NAP1L4: variants seen among roughly 807,000 people sequenced by gnomAD.
The protein encoded by NAP1L4 is nucleosome assembly protein 1 like 4.
A neutral mutation model predicts 58.2 loss-of-function variants in NAP1L4; 15 were observed. That is an observed-to-expected ratio of 0.26 (90% confidence interval 0.17 to 0.40). The LOEUF (loss-of-function observed/expected upper bound fraction) is 0.40. NAP1L4 is among the 10% of genes least tolerant of loss of function. NAP1L4 has a pLI of 1.00. For missense variants in NAP1L4, 384 were observed against 451.1 expected (o/e 0.85, Z 1.35); for synonymous variants, 171 against 155.6 (o/e 1.10, Z -0.74).
chr11:2,945,738 G>GAATGAACTCA, intron 15 of NAP1L4, 92 bp from the exon 16 acceptor site: 1 of 1,031,868 alleles, frequency 9.7e-7, no homozygotes, highest in Non-Finnish European at 1.4e-6. Context: ...GACTGAATGA[G>GAATGAACTCA]TTCATTCTCA....
Position 2,955,855 on chromosome 11 carries a change from A to G in NAP1L4, c.893-89T>C. The G allele has an allele frequency of 8.2e-7, 1 of 1,213,206 alleles. No homozygotes were observed. The highest frequency in any genetic ancestry group is 1.2e-6 in the Non-Finnish European group (1 of 840,404). 75.2% of individuals were successfully genotyped at this position (1,213,206 alleles called of 1,614,324 possible). A position where few individuals can be genotyped will look rare whatever the true frequency, so the allele number is the denominator to read the frequency against. Reference sequence around the variant, plus strand: ...ACACAGGAGGAAGCTGTGCTGGTAGATAAAATGTAACATTTCTCACCTCGA... The same window carrying G: ...ACACAGGAGGAAGCTGTGCTGGTAGGTAAAATGTAACATTTCTCACCTCGA... On this transcript the variant is annotated intron_variant, in intron 10 of 15. Transcript: ENST00000380542. The surrounding 1 kb of genome is among the most constrained non-coding windows in gnomAD (Gnocchi z 4.2).
Position 2,948,933 on chromosome 11 carries a change from C to A in NAP1L4, c.*32+294G>T, listed in dbSNP as rs1458674766. Among the ~76,000 whole-genome samples the A allele has an allele frequency of 6.6e-6, 1 of 152,212 alleles. No homozygotes were observed. The highest frequency in any genetic ancestry group is 1.5e-5 in the Non-Finnish European group (1 of 68,042). Reference sequence around the variant, plus strand: ...CCCGTGTGTGCCACCGTGCAGACTGCTGACCATCCAGGGCCCTCTTACTGG... The same window carrying A: ...CCCGTGTGTGCCACCGTGCAGACTGATGACCATCCAGGGCCCTCTTACTGG... On this transcript the variant is annotated intron_variant, in intron 15 of 15. Coordinates refer to ENST00000380542, the MANE Select transcript of NAP1L4 (RefSeq NM_005969.4). This position sits in a 1 kb window ranked among gnomAD's most constrained non-coding sequence, Gnocchi z 5.1.
intron 6 of NAP1L4, among the ~76,000 whole-genome samples, chr11:2,970,424 TA>T (rs879504449): frequency 0.024 from 3,372 of 142,718 alleles, 99 homozygotes; most frequent in African/African-American, 0.073. Flanking sequence ...TAAGTTGAAA[TA>T]AAAAAAAAAA....
chr11:2,977,682 G>C (rs79720338), intron 3 of NAP1L4, among the ~76,000 whole-genome samples: 2 of 152,064 alleles, frequency 1.3e-5, no homozygotes, highest in South Asian at 4.1e-4. Context: ...TCTTGGTAAT[G>C]ACATTGTAGA....
rs1230726501 is a variant in NAP1L4, at chr11:2,954,179, T to A, written c.1035+348A>T. The stretch of plus-strand genomic sequence containing the variant: ...GCATAAGTCCACTGTCAATAAATGT[T>A]TGTTGTGGCCAGACCTCCATAAAAG... On this transcript the variant is annotated intron_variant, in intron 12 of 15. Coordinates refer to ENST00000380542, the MANE Select transcript of NAP1L4 (RefSeq NM_005969.4). This position sits in a 1 kb window ranked among gnomAD's most constrained non-coding sequence, Gnocchi z 4.8. 1 of 278,710 alleles carries A rather than the reference T, an allele frequency of 3.6e-6. No homozygotes were observed. Among genetic ancestry groups the A allele is most frequent in the Non-Finnish European group, 6.8e-6 (1 of 146,142 alleles). 17.3% of individuals were successfully genotyped at this position (278,710 alleles called of 1,614,324 possible).
chr11:2,948,952 T>A lies in NAP1L4; in HGVS notation c.*32+275A>T, dbSNP rs563968061. On this transcript the variant is annotated intron_variant, in intron 15 of 15. Coordinates refer to ENST00000380542, the MANE Select transcript of NAP1L4 (RefSeq NM_005969.4). This position sits in a 1 kb window ranked among gnomAD's most constrained non-coding sequence, Gnocchi z 5.1. ...AGACTGCTGACCATCCAGGGCCCTC[T>A]TACTGGAAAGCAGTACCATCAGCAA... is the stretch of plus-strand genomic sequence containing the variant. Among the ~76,000 whole-genome samples, 5 of 152,176 alleles carry A rather than the reference T, an allele frequency of 3.3e-5. No individual in the cohort carries two copies. The highest frequency in any genetic ancestry group is 7.3e-5 in the Non-Finnish European group (5 of 68,036).
chr11:2,971,628 GA>G lies in NAP1L4; in HGVS notation c.316-95del, dbSNP rs1847641113. ...TAAATAATGTCTACTAAAAGACTTT[GA>G]AAACTGGATATTTTTATAACTTATT... is the stretch of plus-strand genomic sequence containing the variant. On this transcript the variant is annotated intron_variant, in intron 5 of 15. Transcript: ENST00000380542. This position sits in a 1 kb window ranked among gnomAD's most constrained non-coding sequence, Gnocchi z 4.2. 1 of 932,994 alleles carries G rather than the reference GA, an allele frequency of 1.1e-6. No individual in the cohort carries two copies. The highest frequency in any genetic ancestry group is 2.7e-5 in the East Asian group (1 of 37,566). 57.8% of individuals were successfully genotyped at this position (932,994 alleles called of 1,614,324 possible).
In NAP1L4 at chr11:2,945,564, C is replaced by G. The variant is rs1204951510; in HGVS notation, c.*115G>C. 3.9e-6 allele frequency: 6 copies of G among 1,526,568 alleles called. No homozygotes were observed. The highest frequency in any genetic ancestry group is 5.3e-6 in the Non-Finnish European group (6 of 1,138,684). 94.6% of individuals were successfully genotyped at this position (1,526,568 alleles called of 1,614,324 possible). Reference sequence around the variant, plus strand: ...AAGGACCGAGGCCCCGCCCACAGGCCTGGAGTCCCGACAGCCGGTCTGCCA... The same window carrying G: ...AAGGACCGAGGCCCCGCCCACAGGCGTGGAGTCCCGACAGCCGGTCTGCCA... On this transcript the variant is annotated 3_prime_UTR_variant, in exon 16 of 16. Transcript: ENST00000380542.
chr11:2,977,268 A>G (rs760174331), intron 3 of NAP1L4, among the ~76,000 whole-genome samples: 1 of 152,212 alleles, frequency 6.6e-6, no homozygotes, highest in Non-Finnish European at 1.5e-5. Context: ...AGGTGAAAGG[A>G]CCTTGGTAAC....
chr11:2,963,092 C>T (rs565511974), intron 8 of NAP1L4, among the ~76,000 whole-genome samples: 1,516 of 86,896 alleles, frequency 0.017, 15 homozygotes, highest in Admixed American at 0.039. Flanking sequence ...CAGTGAGACT[C>T]GGTCTCAAAA....
At chr11:2,986,377 AAAAAAAAAAAG>A (rs1311055615) in intron 1 of NAP1L4, among the ~76,000 whole-genome samples, 2,666 of 126,388 alleles carry the variant, frequency 0.021, 75 homozygotes, top group African/African-American at 0.066. Context: ...CTGTCTCAAA[AAAAAAAAAAAG>A]AAAAAGAAAG....
intron 1 of NAP1L4, among the ~76,000 whole-genome samples, chr11:2,983,484 T>C (rs1848445785): frequency 6.6e-6 from 1 of 152,014 alleles, no homozygotes; most frequent in Non-Finnish European, 1.5e-5. Context: ...CTCAAAGTGC[T>C]GGGATTATAG....
In NAP1L4 at chr11:2,971,384, T is replaced by TA; in HGVS notation, c.402+63dup. 4.9e-6 allele frequency: 7 copies of TA among 1,434,896 alleles called. No homozygotes were observed. The highest frequency in any genetic ancestry group is 3.6e-5 in the Admixed American group (2 of 55,626). 88.9% of individuals were successfully genotyped at this position (1,434,896 alleles called of 1,614,324 possible). ...AAGTTTACTAGTCATTAAAAATCAT[T>TA]AAAAAATGCTTATTTTTAACAGTAT... On this transcript the variant is annotated intron_variant, in intron 6 of 15. Transcript: ENST00000380542. This position sits in a 1 kb window ranked among gnomAD's most constrained non-coding sequence, Gnocchi z 4.2.
chr11:2,964,826 C>T (rs2133949474), intron 7 of NAP1L4, 75 bp from the exon 8 acceptor site: 1 of 1,045,468 alleles, frequency 9.6e-7, no homozygotes, highest in East Asian at 2.5e-5. Flanking sequence ...GTCATGGTTG[C>T]AGAGGCTCCC....
At position 2,971,966 on chromosome 11, in the gene NAP1L4, A is replaced by G; in HGVS notation, c.315+136T>C. On this transcript the variant is annotated intron_variant, in intron 5 of 15. Coordinates refer to ENST00000380542, the MANE Select transcript of NAP1L4 (RefSeq NM_005969.4). The surrounding 1 kb of genome is among the most constrained non-coding windows in gnomAD (Gnocchi z 4.2). ...TTAGCGTTCTGAGCTTGTTTAAGGT[A>G]GTCTAGACTAAGCTATGTTTGGCAG... The G allele has an allele frequency of 1.3e-6, 1 of 780,820 alleles. No individual in the cohort carries two copies. The highest frequency in any genetic ancestry group is 1.9e-6 in the Non-Finnish European group (1 of 519,478). The allele number at this position is 780,820 out of a possible 1,614,324, so 48.4% of individuals were successfully genotyped here.
rs1846399816 is a variant in NAP1L4, at chr11:2,954,305, G to A, written c.1035+222C>T. The A allele has an allele frequency of 1.5e-6, 1 of 662,274 alleles. No homozygotes were observed. Among genetic ancestry groups the A allele is most frequent in the East Asian group, 2.8e-5 (1 of 35,556 alleles). 41.0% of individuals were successfully genotyped at this position (662,274 alleles called of 1,614,324 possible). On this transcript the variant is annotated intron_variant, in intron 12 of 15. Transcript: ENST00000380542. This position sits in a 1 kb window ranked among gnomAD's most constrained non-coding sequence, Gnocchi z 4.8. Reference sequence around the variant, plus strand: ...ACATAGGAAACTGGCAATCACCTCTGAAACTGCTTCACAGACACCTGCTTT... The same window carrying A: ...ACATAGGAAACTGGCAATCACCTCTAAAACTGCTTCACAGACACCTGCTTT...
rs1197390997 is a variant in NAP1L4, at chr11:2,948,871, T to A, written c.*32+356A>T. On this transcript the variant is annotated intron_variant, in intron 15 of 15. Coordinates refer to ENST00000380542, the MANE Select transcript of NAP1L4 (RefSeq NM_005969.4). This position sits in a 1 kb window ranked among gnomAD's most constrained non-coding sequence, Gnocchi z 5.1. ...TGAGCACAGCTGGGACAGCCCAGTG[T>A]GTTATGCTCTCTGCAAGGACTGCTT... Among the ~76,000 whole-genome samples, 1 of 152,226 alleles carries A rather than the reference T, an allele frequency of 6.6e-6. No individual in the cohort carries two copies. Among genetic ancestry groups the A allele is most frequent in the East Asian group, 1.9e-4 (1 of 5,200 alleles).
intron 1 of NAP1L4, 111 bp from the exon 2 acceptor site, chr11:2,979,348 A>G (rs1848164660): frequency 1.2e-6 from 1 of 847,968 alleles, no homozygotes; most frequent in Non-Finnish European, 1.9e-6. Context: ...AAGGGACAGG[A>G]GGGAACTTTC....
chr11:2,965,920 C>T (rs1281602653), intron 7 of NAP1L4, among the ~76,000 whole-genome samples: 1 of 152,174 alleles, frequency 6.6e-6, no homozygotes, highest in Non-Finnish European at 1.5e-5. Context: ...CATGGAAGAG[C>T]GTACAATTCT....
Sources: gnomAD v4.1 joint callset for allele counts (sites outside exome capture counted in the v4.1 genomes callset) on GRCh38, gnomAD v4.1.1 for gene constraint, Gnocchi (gnomAD v3.1) non-coding constraint, MANE v1.5 for transcripts, NCBI Gene and HGNC (gene_info 2026-07-23, HGNC 2026-07-21) for gene names.